Variants in KIF26B observed in about 807,000 individuals in gnomAD.
KIF26B encodes kinesin-like protein KIF26B.
A neutral mutation model predicts 151.2 loss-of-function variants in KIF26B; 63 were observed. That is an observed-to-expected ratio of 0.42 (90% CI 0.34 to 0.51). The LOEUF (loss-of-function observed/expected upper bound fraction) is 0.51. Among genes scored for constraint, KIF26B ranks in the 20% least tolerant of loss-of-function variants. The pLI is 0.07. For synonymous variants in KIF26B, 1,357 were observed against 1,262.1 expected (o/e 1.08, Z -1.59); for missense variants, 2,813 against 2,913.6 (o/e 0.97, Z 0.79).
chr1:245,557,256 C>G (rs1374247030), intron 5 of KIF26B, among the ~76,000 whole-genome samples: 1 of 152,210 alleles, frequency 6.6e-6, no homozygotes, highest in Non-Finnish European at 1.5e-5. Flanking sequence ...GCAGAACAGT[C>G]TGAACAGGTG....
In KIF26B at chr1:245,583,408, G is replaced by T. The variant is rs1001623312; in HGVS notation, c.1351-19169G>T. ...AACTTCCAGATTTGAAACCATCTCCGGGGCCAAGCCTGGCTGAGACTCTCT... is the reference window on the plus strand; with the variant it reads ...AACTTCCAGATTTGAAACCATCTCCTGGGCCAAGCCTGGCTGAGACTCTCT... On this transcript the variant is annotated intron_variant, in intron 5 of 14. Coordinates refer to ENST00000407071, the MANE Select transcript of KIF26B (RefSeq NM_018012.4). Among the ~76,000 whole-genome samples the T allele has an allele frequency of 3.3e-5, 5 of 151,406 alleles. No individual in the cohort carries two copies. In the South Asian group the frequency reaches 1.0e-3, roughly 31 times the overall value.
At chr1:245,279,335 C>A (rs955179191) in intron 2 of KIF26B, among the ~76,000 whole-genome samples, 1 of 135,136 alleles carries the variant, frequency 7.4e-6, no homozygotes, top group Non-Finnish European at 1.6e-5. Context: ...GAGAGGAGGT[C>A]TTGCTTTGTC....
chr1:245,486,483 A>G (rs1422515719), intron 4 of KIF26B, among the ~76,000 whole-genome samples: 3 of 152,222 alleles, frequency 2.0e-5, no homozygotes, highest in Non-Finnish European at 2.9e-5. Flanking sequence ...AATTTCATAT[A>G]TACTATCTCA....
Position 245,156,319 on chromosome 1 carries a change from C to T in KIF26B, c.101C>T (p.Pro34Leu). The T allele has an allele frequency of 6.5e-7, 1 of 1,547,682 alleles. No homozygotes were observed. The highest frequency in any genetic ancestry group is 8.7e-7 in the Non-Finnish European group (1 of 1,145,976). ...TGCTCGCCCACCAAGCCCGCAGCGC[C>T]CTTCTCCCCGGAAAGCTGGTACCGG... ...EVCSPTKPAA[P>L]FSPESWYRKA... is the part of the protein sequence containing the mutation. The change falls in exon 2 of 15, where the codon CCC becomes CTC. Residue 34 changes from proline (P) to leucine (L), a missense_variant. This residue lies in a region of KIF26B where 676 missense variants were observed against 688.1 expected (regional missense o/e 0.98). Coordinates refer to ENST00000407071, the MANE Select transcript of KIF26B (RefSeq NM_018012.4).
intron 2 of KIF26B, among the ~76,000 whole-genome samples, chr1:245,226,624 C>T (rs374399338): frequency 5.2e-4 from 79 of 152,106 alleles, no homozygotes; most frequent in Middle Eastern, 6.8e-3. Context: ...CCACCACGCC[C>T]GGCTAATTTT....
chr1:245,525,659 A>G (rs1264670335), intron 4 of KIF26B, among the ~76,000 whole-genome samples: 2 of 152,242 alleles, frequency 1.3e-5, no homozygotes, highest in Non-Finnish European at 2.9e-5. Context: ...ATTCTATCCA[A>G]TTGCACCTGA....
intron 4 of KIF26B, among the ~76,000 whole-genome samples, chr1:245,457,217 G>A (rs1290783916): frequency 7.9e-5 from 12 of 152,166 alleles, no homozygotes; most frequent in Admixed American, 7.9e-4. Flanking sequence ...CATAATTGAT[G>A]TACAGTGTTG....
rs1478979407 is a variant in KIF26B at position 245,698,914 on chromosome 1, A to G, written c.6055A>G (p.Lys2019Glu). Residue 2019 changes from lysine to glutamate, a missense_variant, in exon 14 of 15, where the codon AAG becomes GAG. Transcript: ENST00000407071. This position sits in a 1 kb window ranked among gnomAD's most constrained non-coding sequence, Gnocchi z 4.0. ...GGCCATGTGCTTCAATGCAAAGCTG[A>G]AGATTCTGGAACACCGCCAGCAGAG... is the stretch of plus-strand genomic sequence containing the variant. Reference protein sequence around the residue: ...KEAMCFNAKLKILEHRQQRIA... With the variant: ...KEAMCFNAKLEILEHRQQRIA... 2 of 1,614,020 alleles carry G rather than the reference A, an allele frequency of 1.2e-6. No individual in the cohort carries two copies. The highest frequency in any genetic ancestry group is 3.3e-5 in the Admixed American group (2 of 60,024).
At chr1:245,683,337 C>T (rs906434478) in intron 10 of KIF26B, among the ~76,000 whole-genome samples, 3 of 152,082 alleles carry the variant, frequency 2.0e-5, no homozygotes, top group Non-Finnish European at 2.9e-5. Context: ...GATCAGGGAA[C>T]GTGCCAGAGA....
chr1:245,199,168 GA>G (rs1669253563), intron 2 of KIF26B, among the ~76,000 whole-genome samples: 1 of 152,042 alleles, frequency 6.6e-6, no homozygotes, highest in African/African-American at 2.4e-5. Context: ...CACTGGTGAG[GA>G]AACCTTTTAA....
At chr1:245,323,755 C>T (rs1009042339) in intron 2 of KIF26B, among the ~76,000 whole-genome samples, 6 of 152,246 alleles carry the variant, frequency 3.9e-5, no homozygotes. Flanking sequence ...TTCGCTTATT[C>T]ACTCAAAAGC....
intron 2 of KIF26B, among the ~76,000 whole-genome samples, chr1:245,209,475 CAAGT>C (rs1329949730): frequency 6.6e-6 from 1 of 151,818 alleles, no homozygotes; most frequent in African/African-American, 2.4e-5. Flanking sequence ...GAAGAAGAGA[CAAGT>C]ACAGAAACAC....
intron 4 of KIF26B, among the ~76,000 whole-genome samples, chr1:245,459,214 G>A (rs985936481): frequency 9.9e-5 from 15 of 152,202 alleles, no homozygotes; most frequent in Admixed American, 4.6e-4. Context: ...TTTAGGTTGA[G>A]CATTTCCAGT....
At chr1:245,648,246 A>C (rs953233639) in intron 10 of KIF26B, among the ~76,000 whole-genome samples, 3 of 152,256 alleles carry the variant, frequency 2.0e-5, no homozygotes, top group African/African-American at 7.2e-5. Context: ...TAGTTGTTGA[A>C]TTGATGGCGG....
chr1:245,266,862 T>C (rs1670756220), intron 2 of KIF26B, among the ~76,000 whole-genome samples: 1 of 152,174 alleles, frequency 6.6e-6, no homozygotes, highest in South Asian at 2.1e-4. Context: ...AGTTCCCTTA[T>C]CTGTACAGTG....
At chr1:245,354,266 C>T (rs74153550) in intron 2 of KIF26B, among the ~76,000 whole-genome samples, 4,146 of 152,216 alleles carry the variant, frequency 0.027, 191 homozygotes, top group African/African-American at 0.094. Context: ...TTTGCTTCTC[C>T]GAGAAGGAAA....
chr1:245,254,985 C>T (rs1228419397), intron 2 of KIF26B, among the ~76,000 whole-genome samples: 1 of 152,172 alleles, frequency 6.6e-6, no homozygotes, highest in Non-Finnish European at 1.5e-5. Flanking sequence ...AAACTTCATC[C>T]TCCGTAACAG....
intron 2 of KIF26B, among the ~76,000 whole-genome samples, chr1:245,243,427 T>C (rs1273546184): frequency 4.0e-5 from 3 of 75,360 alleles, no homozygotes; most frequent in African/African-American, 1.3e-4. Flanking sequence ...ATTCTATATA[T>C]ATACATACAT....
intron 2 of KIF26B, among the ~76,000 whole-genome samples, chr1:245,190,291 G>C (rs753116298): frequency 3.3e-5 from 5 of 152,210 alleles, no homozygotes; most frequent in Non-Finnish European, 7.3e-5. Context: ...CCACAGCCGG[G>C]TGCTCAGATT....
Sources: gnomAD v4.1 joint callset for allele counts (sites outside exome capture counted in the v4.1 genomes callset) on GRCh38, gnomAD v4.1.1 for gene constraint, gnomAD v4.1.1 regional missense constraint, Gnocchi (gnomAD v3.1) non-coding constraint, MANE v1.5 for transcripts, NCBI Gene and HGNC (gene_info 2026-07-23, HGNC 2026-07-21) for gene names.